OXSR1: variants seen among roughly 807,000 people sequenced by gnomAD.
The protein encoded by OXSR1 is serine/threonine-protein kinase OSR1.
OXSR1 carries 24 observed loss-of-function variants against 79.8 expected under a neutral mutation model. That is an observed-to-expected ratio of 0.30 (90% CI 0.22 to 0.42). OXSR1 has a LOEUF of 0.42. Ranked by LOEUF, OXSR1 falls within the 10% of genes least tolerant of loss-of-function variation. The pLI is 1.00. For synonymous variants in OXSR1, 226 were observed against 209.2 expected (o/e 1.08, Z -0.69); for missense variants, 430 against 618.4 (o/e 0.70, Z 3.23).
intron 1 of OXSR1, among the ~76,000 whole-genome samples, chr3:38,173,527 A>G (rs1296064753): frequency 1.3e-5 from 2 of 152,244 alleles, no homozygotes; most frequent in South Asian, 2.1e-4. Flanking sequence ...ACATGGAATT[A>G]TTGTAATGAT....
intron 14 of OXSR1, among the ~76,000 whole-genome samples, 194 bp downstream of exon 14, chr3:38,247,926 GACTA>G (rs1407009436): frequency 2.0e-5 from 3 of 152,242 alleles, no homozygotes; most frequent in South Asian, 2.1e-4. Context: ...CAGGTGTTGT[GACTA>G]ACTGATGCAC....
intron 16 of OXSR1, 65 bp downstream of exon 16, chr3:38,251,536 A>C (rs1703257090): frequency 7.5e-7 from 1 of 1,339,550 alleles, no homozygotes; most frequent in Non-Finnish European, 1.1e-6. Context: ...TACATAGAAA[A>C]GCAGGTTTTT....
In OXSR1 at chr3:38,210,927, T is replaced by A. The variant is rs150740023; in HGVS notation, c.435-5169T>A. On this transcript the variant is annotated intron_variant, in intron 4 of 17. Transcript: ENST00000311806. ...TTTTCCTGTATAGGTGATCTCTTGA[T>A]GTCCTGTTTATTAACAAGATAGTGG... is the stretch of plus-strand genomic sequence containing the variant. Among the ~76,000 whole-genome samples, 109 of 152,360 alleles carry A rather than the reference T, an allele frequency of 7.2e-4. 2 individuals carry two copies. The East Asian group carries it at 0.018, about 25-fold the overall frequency.
intron 2 of OXSR1, among the ~76,000 whole-genome samples, chr3:38,189,363 A>G (rs1490331352): frequency 6.6e-6 from 1 of 152,070 alleles, no homozygotes; most frequent in Admixed American, 6.6e-5. Context: ...GAAATTCTGT[A>G]TAACTATGTT....
intron 1 of OXSR1, among the ~76,000 whole-genome samples, chr3:38,172,095 C>A (rs534781541): frequency 1.3e-5 from 2 of 152,052 alleles, no homozygotes; most frequent in South Asian, 4.1e-4. Context: ...TTATCTCTGA[C>A]TTTTTTTTAC....
Position 38,173,376 on chromosome 3 carries a change from C to T in OXSR1, c.70+7430C>T, listed in dbSNP as rs1206609206. On this transcript the variant is annotated intron_variant, in intron 1 of 17. Coordinates refer to ENST00000311806, the MANE Select transcript of OXSR1 (RefSeq NM_005109.3). ...AGCTTTAATCTGAAGAGGTAGTTGC[C>T]TACTGATTAAGAGCATAATGTTGAA... Among the ~76,000 whole-genome samples the T allele has an allele frequency of 2.6e-5, 4 of 152,014 alleles. No individual in the cohort carries two copies. In the East Asian group the frequency reaches 5.8e-4, roughly 22 times the overall value.
chr3:38,165,682 C>T lies in OXSR1; in HGVS notation c.-195C>T. 1.8e-6 allele frequency: 1 copy of T among 542,670 alleles called. No homozygotes were observed. The highest frequency in any genetic ancestry group is 3.3e-5 in the East Asian group (1 of 30,372). 33.6% of individuals were successfully genotyped at this position (542,670 alleles called of 1,614,324 possible). Reference sequence around the variant, plus strand: ...TCGGAGGAGCAGGAGGCGAGGTCCGCCGGAGCTCTGAGCCCCCGCTGCTCT... The same window carrying T: ...TCGGAGGAGCAGGAGGCGAGGTCCGTCGGAGCTCTGAGCCCCCGCTGCTCT... On this transcript the variant is annotated 5_prime_UTR_variant, in exon 1 of 18. Coordinates refer to ENST00000311806, the MANE Select transcript of OXSR1 (RefSeq NM_005109.3).
intron 2 of OXSR1, among the ~76,000 whole-genome samples, chr3:38,186,485 C>T (rs1701888915): frequency 6.6e-6 from 1 of 152,184 alleles, no homozygotes; most frequent in Non-Finnish European, 1.5e-5. Context: ...CTCCCCTCAG[C>T]CCTAGGCAAT....
At chr3:38,231,586 CA>C (rs1162775216) in intron 10 of OXSR1, among the ~76,000 whole-genome samples, 2 of 152,150 alleles carry the variant, frequency 1.3e-5, no homozygotes, top group Non-Finnish European at 2.9e-5. Context: ...TGACATTTTA[CA>C]GTGTTTCTTT....
rs1701435607 is a variant in OXSR1, at chr3:38,165,783, G to T, written c.-94G>T. ...AGACGATTGGTGGGGGCGCGGCGGCGGCGGCGGCGGCTGTTGGGGGTGGGG... is the reference window on the plus strand; with the variant it reads ...AGACGATTGGTGGGGGCGCGGCGGCTGCGGCGGCGGCTGTTGGGGGTGGGG... On this transcript the variant is annotated 5_prime_UTR_variant, in exon 1 of 18. Transcript: ENST00000311806. The T allele has an allele frequency of 1.8e-6, 2 of 1,137,698 alleles. No homozygotes were observed. The highest frequency in any genetic ancestry group is 3.1e-5 in the African/African-American group (2 of 65,032). 70.5% of individuals were successfully genotyped at this position (1,137,698 alleles called of 1,614,324 possible). A position where few individuals can be genotyped will look rare whatever the true frequency, so the allele number is the denominator to read the frequency against.
At position 38,195,043 on chromosome 3, in the gene OXSR1, C is replaced by T. The variant is rs1336521066; in HGVS notation, c.293-3679C>T. ...ATGCTTCATTATAACTGTAATATTC[C>T]TATCTTTGCTAGTTAAAACTGTCAT... On this transcript the variant is annotated intron_variant, in intron 3 of 17. Transcript: ENST00000311806. 2.0e-5 allele frequency among the ~76,000 whole-genome samples: 3 copies of T among 152,188 alleles called. No homozygotes were observed. In the East Asian group the frequency reaches 5.8e-4, roughly 29 times the overall value.
At chr3:38,250,987 A>G (rs1688974101) in intron 15 of OXSR1, among the ~76,000 whole-genome samples, 1 of 152,224 alleles carries the variant, frequency 6.6e-6, no homozygotes, top group Non-Finnish European at 1.5e-5. Context: ...GATAAGAAGA[A>G]AAGCCCACCA....
intron 16 of OXSR1, among the ~76,000 whole-genome samples, 165 bp downstream of exon 16, chr3:38,251,636 A>C (rs780233263): frequency 2.0e-5 from 3 of 152,126 alleles, no homozygotes; most frequent in Admixed American, 6.6e-5. Flanking sequence ...CACACACACA[A>C]AATTTCACCT....
At chr3:38,246,961 ATT>A (rs11428789) in intron 13 of OXSR1, among the ~76,000 whole-genome samples, 68 of 146,046 alleles carry the variant, frequency 4.7e-4, no homozygotes, top group African/African-American at 1.7e-3. Flanking sequence ...TAAAGGTCTG[ATT>A]TTTTTTTTTT....
Position 38,221,593 on chromosome 3 carries a change from C to G in OXSR1, c.506C>G (p.Ala169Gly), listed in dbSNP as rs1559518424. ...TCTATTTCAGACTTTGGGGTTAGTG[C>G]TTTTTTAGCAACTGGTGGTGATATT... ...SVQIADFGVS[A>G]FLATGGDITR... The change falls in exon 6 of 18, where the codon GCT (alanine) becomes GGT (glycine). Residue 169 changes from alanine to glycine, a missense_variant. Around this residue, in one of 3 missense-constraint regions of OXSR1, gnomAD observed 145 missense variants for 228.3 expected, o/e 0.64. Coordinates refer to ENST00000311806, the MANE Select transcript of OXSR1 (RefSeq NM_005109.3). 6.2e-7 allele frequency: 1 copy of G among 1,610,022 alleles called. No homozygotes were observed. The highest frequency in any genetic ancestry group is 1.3e-5 in the African/African-American group (1 of 74,878).
At chr3:38,172,491 T>G (rs1056026989) in intron 1 of OXSR1, among the ~76,000 whole-genome samples, 2 of 152,232 alleles carry the variant, frequency 1.3e-5, no homozygotes, top group Non-Finnish European at 2.9e-5. Flanking sequence ...TAAGGTGTGA[T>G]TCACCTAGCT....
At chr3:38,250,784 G>C (rs1044141742) in intron 15 of OXSR1, among the ~76,000 whole-genome samples, 12 of 152,134 alleles carry the variant, frequency 7.9e-5, no homozygotes, top group African/African-American at 2.9e-4. Context: ...TCAAATTGCT[G>C]GTTGCCTGTG....
At chr3:38,237,677 A>G (rs1264831037) in intron 11 of OXSR1, among the ~76,000 whole-genome samples, 2 of 152,172 alleles carry the variant, frequency 1.3e-5, no homozygotes, top group African/African-American at 4.8e-5. Context: ...TGTTTATCTA[A>G]TGAGGTATTT....
chr3:38,241,302 T>G (rs1169855773), intron 11 of OXSR1, among the ~76,000 whole-genome samples: 2 of 152,134 alleles, frequency 1.3e-5, no homozygotes, highest in Non-Finnish European at 2.9e-5. Flanking sequence ...GTGGAGGGAC[T>G]GTATTCTCCA....
Sources: allele counts gnomAD v4.1 joint callset (sites outside exome capture counted in the v4.1 genomes callset), GRCh38; gene constraint gnomAD v4.1.1; regional missense constraint gnomAD v4.1.1; transcripts MANE v1.5; gene names NCBI Gene and HGNC (gene_info 2026-07-23, HGNC 2026-07-21).